The following ZNF236 variants were observed in gnomAD, a reference collection of about 807,000 sequenced individuals.
ZNF236 encodes the protein zinc finger protein 236.
In ZNF236, 50 loss-of-function variants were observed where a neutral mutation model predicts 191.2. That is an observed-to-expected ratio of 0.26 (90% CI 0.21 to 0.33). The LOEUF (loss-of-function observed/expected upper bound fraction) is 0.33, where lower values mean the gene tolerates loss of function less well. ZNF236 is among the 10% of genes least tolerant of loss of function. ZNF236 has a pLI of 1.00. For synonymous variants in ZNF236, 907 were observed against 928.8 expected (o/e 0.98, Z 0.43); for missense variants, 1,754 against 2,374.5 (o/e 0.74, Z 5.43).
intron 1 of ZNF236, chr18:76,824,024 A>C (rs1974947095): frequency 5.7e-6 from 2 of 349,556 alleles, no homozygotes; most frequent in Non-Finnish European, 1.1e-5. Flanking sequence ...GGTGGGTTAT[A>C]CCTTGACTGC....
intron 25 of ZNF236, among the ~76,000 whole-genome samples, chr18:76,931,401 G>A (rs1167348022): frequency 6.6e-6 from 1 of 152,156 alleles, no homozygotes; most frequent in East Asian, 1.9e-4. Context: ...TCTAATTCTA[G>A]GATACAAAAT....
chr18:76,958,753 T>C (rs1043537355), intron 28 of ZNF236, among the ~76,000 whole-genome samples: 1 of 152,156 alleles, frequency 6.6e-6, no homozygotes, highest in Admixed American at 6.5e-5. Context: ...TGGTCTGCAG[T>C]GCTGGGAAGG....
At chr18:76,825,501 T>G (rs1386104758) in intron 1 of ZNF236, among the ~76,000 whole-genome samples, 1 of 152,168 alleles carries the variant, frequency 6.6e-6, no homozygotes, top group Non-Finnish European at 1.5e-5. Context: ...TGTATCACAG[T>G]CAAGAAGAAC....
chr18:76,828,690 G>A lies in ZNF236; in HGVS notation c.55+6028G>A, dbSNP rs1234440906. Among the ~76,000 whole-genome samples, 3 of 151,840 alleles carry A rather than the reference G, an allele frequency of 2.0e-5. No homozygotes were observed. In the East Asian group the frequency reaches 5.8e-4, roughly 30 times the overall value. ...GTATGTGTTTATTTATTTTGGAGAC[G>A]GAGTCTCGCTCTGTTGCCCAGGCTG... is the stretch of plus-strand genomic sequence containing the variant. On this transcript the variant is annotated intron_variant, in intron 1 of 30. Transcript: ENST00000320610.
At chr18:76,926,645 G>T (rs968895525) in intron 22 of ZNF236, among the ~76,000 whole-genome samples, 1 of 150,270 alleles carries the variant, frequency 6.7e-6, no homozygotes, top group Admixed American at 6.6e-5. Flanking sequence ...TGTATATATG[G>T]TATAAAGGGT....
chr18:76,851,468 C>T (rs908609969), intron 2 of ZNF236, among the ~76,000 whole-genome samples: 2 of 152,064 alleles, frequency 1.3e-5, no homozygotes, highest in Non-Finnish European at 2.9e-5. Flanking sequence ...TAAAGGTTAT[C>T]TTTGAAAGGT....
intron 27 of ZNF236, among the ~76,000 whole-genome samples, chr18:76,948,161 G>T (rs1384106951): frequency 1.3e-5 from 2 of 152,048 alleles, no homozygotes; most frequent in Non-Finnish European, 2.9e-5. Context: ...TATTTAGTAA[G>T]CAATAGTCTA....
chr18:76,947,820 C>T (rs190607153), intron 27 of ZNF236, among the ~76,000 whole-genome samples, 168 bp downstream of exon 27: 2 of 151,962 alleles, frequency 1.3e-5, no homozygotes, highest in East Asian at 1.9e-4. Flanking sequence ...CCTGCGGGGG[C>T]GTGTGTTGAA....
chr18:76,964,455 TATTGAG>T (rs1968728886), intron 30 of ZNF236, among the ~76,000 whole-genome samples: 1 of 152,212 alleles, frequency 6.6e-6, no homozygotes, highest in Non-Finnish European at 1.5e-5. Flanking sequence ...TTCTTAAATT[TATTGAG>T]GCTCATTTTG....
intron 5 of ZNF236, among the ~76,000 whole-genome samples, chr18:76,874,814 A>C (rs930242185): frequency 2.6e-5 from 4 of 152,210 alleles, no homozygotes; most frequent in Non-Finnish European, 5.9e-5. Flanking sequence ...GGGCGGTGGC[A>C]GAAGTGGGTA....
In ZNF236 at chr18:76,964,777, AT is replaced by A. The variant is rs1370859093; in HGVS notation, c.5420-3434del. Among the ~76,000 whole-genome samples, 3 of 152,146 alleles carry A rather than the reference AT, an allele frequency of 2.0e-5. No homozygotes were observed. The East Asian group carries it at 5.8e-4, about 29-fold the overall frequency. ...GTGCATGTATGTTTAGGATTGTGGT[AT>A]TTTCCTGTTGGACAACGCCTTTTAT... On this transcript the variant is annotated intron_variant, in intron 30 of 30. Coordinates refer to ENST00000320610, the MANE Select transcript of ZNF236 (RefSeq NM_001306089.2).
Position 76,899,008 on chromosome 18 carries a change from A to G in ZNF236, c.1691-11A>G, listed in dbSNP as rs1431613979. ...GGAAATAATTCTAAAATGTGATTTCATTTTTATTAGGAGTTAGACCTTTTG... is the reference window on the plus strand; with the variant it reads ...GGAAATAATTCTAAAATGTGATTTCGTTTTTATTAGGAGTTAGACCTTTTG... On this transcript the variant is annotated splice_polypyrimidine_tract_variant and intron_variant, in intron 10 of 30. Coordinates refer to ENST00000320610, the MANE Select transcript of ZNF236 (RefSeq NM_001306089.2). 1 of 1,603,598 alleles carries G rather than the reference A, an allele frequency of 6.2e-7. No individual in the cohort carries two copies. The highest frequency in any genetic ancestry group is 8.5e-7 in the Non-Finnish European group (1 of 1,172,304).
At chr18:76,952,546 G>A (rs1048533630) in intron 27 of ZNF236, among the ~76,000 whole-genome samples, 1 of 152,184 alleles carries the variant, frequency 6.6e-6, no homozygotes, top group Admixed American at 6.5e-5. Context: ...AGAGTGGCTG[G>A]GAGTGCTGGC....
chr18:76,824,198 AG>A, intron 1 of ZNF236: 1 of 668,662 alleles, frequency 1.5e-6, no homozygotes, highest in Non-Finnish European at 2.8e-6. Context: ...TTTTGTGTTT[AG>A]GAAGAAAGAG....
intron 5 of ZNF236, among the ~76,000 whole-genome samples, chr18:76,873,653 G>T (rs1220223043): frequency 6.6e-6 from 1 of 152,194 alleles, no homozygotes; most frequent in Non-Finnish European, 1.5e-5. Context: ...GCTGGACCAT[G>T]CCTGGATTGT....
At chr18:76,866,722 G>A (rs1976419379) in intron 3 of ZNF236, among the ~76,000 whole-genome samples, 1 of 152,176 alleles carries the variant, frequency 6.6e-6, no homozygotes, top group African/African-American at 2.4e-5. Context: ...TGTATGGAGG[G>A]TGCAGTAAGT....
intron 11 of ZNF236, among the ~76,000 whole-genome samples, chr18:76,899,483 G>A (rs751646471): frequency 4.6e-5 from 7 of 152,198 alleles, no homozygotes; most frequent in African/African-American, 1.2e-4. Context: ...AAACAGTAGC[G>A]TGTAAGTCCT....
intron 1 of ZNF236, among the ~76,000 whole-genome samples, chr18:76,826,757 G>A (rs1239058243): frequency 4.8e-5 from 7 of 145,860 alleles, no homozygotes; most frequent in Middle Eastern, 3.8e-3. Flanking sequence ...CTGAGGTCGC[G>A]CCACTGCACT....
At chr18:76,864,107 C>G (rs886421299) in intron 3 of ZNF236, among the ~76,000 whole-genome samples, 2 of 152,108 alleles carry the variant, frequency 1.3e-5, no homozygotes, top group Non-Finnish European at 2.9e-5. Flanking sequence ...ACATTATCAG[C>G]TCTCCTAGGT....
Sources: allele counts gnomAD v4.1 joint callset (sites outside exome capture counted in the v4.1 genomes callset), GRCh38; gene constraint gnomAD v4.1.1; transcripts MANE v1.5; gene names NCBI Gene and HGNC (gene_info 2026-07-23, HGNC 2026-07-21).